PLS3: variants seen among roughly 807,000 people sequenced by gnomAD.
The protein encoded by PLS3 is plastin-3.
A neutral mutation model predicts 46.5 loss-of-function variants in PLS3; 11 were observed. The observed-to-expected ratio is 0.24, with a 90% CI of 0.15 to 0.39. The LOEUF is 0.39. Ranked by LOEUF, PLS3 falls within the 10% of genes least tolerant of loss-of-function variation. The pLI is 1.00. For synonymous variants in PLS3, 167 were observed against 162.2 expected (o/e 1.03, Z -0.22); for missense variants, 308 against 461.8 (o/e 0.67, Z 3.05).
chrX:115,635,511 C>T (rs782706942), intron 7 of PLS3, among the ~76,000 whole-genome samples: 2 of 107,964 alleles, frequency 1.9e-5, no homozygotes, highest in African/African-American at 3.4e-5. Flanking sequence ...ATTAGCCAGG[C>T]GAGGTGGCAC....
rs146656785 is a variant in PLS3, at chrX:115,622,427, C to A, written c.237+18C>A. ...TTGTTTATGTAAGTATGTGAAAATT[C>A]ACAATTATTAGAAGTAGTAGATGTT... On this transcript the variant is annotated intron_variant, in intron 3 of 15. Coordinates refer to ENST00000355899, the MANE Select transcript of PLS3 (RefSeq NM_005032.7). The A allele has an allele frequency of 1.2e-3, 1,342 of 1,075,050 alleles. 10 individuals carry two copies. In the African/African-American group the frequency reaches 0.021, roughly 17 times the overall value. 88.6% of individuals were successfully genotyped at this position (1,075,050 alleles called of 1,213,427 possible). A position where few individuals can be genotyped will look rare whatever the true frequency, so the allele number is the denominator to read the frequency against.
At chrX:115,628,295 A>G (rs782315152) in intron 3 of PLS3, among the ~76,000 whole-genome samples, 63 of 112,493 alleles carry the variant, frequency 5.6e-4, no homozygotes, top group Admixed American at 4.8e-3. Flanking sequence ...AGGTCTTTGA[A>G]TTGCATTTGT....
intron 1 of PLS3, among the ~76,000 whole-genome samples, chrX:115,594,649 C>G (rs1301792883): frequency 1.4e-4 from 13 of 92,170 alleles, no homozygotes; most frequent in Non-Finnish European, 2.0e-4. Flanking sequence ...CCCTCCCTCT[C>G]TCTCTCTCTC....
Position 115,629,932 on chromosome X carries a change from C to T in PLS3, c.465C>T (p.Asp155=). ...HVIPMNPNTD[D]LFKAVGDGIV... is the part of the protein sequence containing the mutation. Reference sequence around the variant, plus strand: ...TACCAATGAACCCTAACACCGATGACCTGTTCAAAGCTGTTGGTGATGGAA... The same window carrying T: ...TACCAATGAACCCTAACACCGATGATCTGTTCAAAGCTGTTGGTGATGGAA... The change falls in exon 5 of 16, where the codon GAC becomes GAT. Residue 155 remains aspartate, a synonymous_variant. Transcript: ENST00000355899. The T allele has an allele frequency of 8.4e-7, 1 of 1,186,829 alleles. No homozygotes were observed. The highest frequency in any genetic ancestry group is 1.1e-6 in the Non-Finnish European group (1 of 877,944).
intron 1 of PLS3, among the ~76,000 whole-genome samples, chrX:115,588,888 G>A (rs1305910241): frequency 2.7e-5 from 3 of 111,633 alleles, no homozygotes; most frequent in Non-Finnish European, 3.8e-5. Context: ...TGTGTAGTTC[G>A]ATGTATTTTG....
intron 2 of PLS3, among the ~76,000 whole-genome samples, chrX:115,615,489 GA>G (rs2147501298): frequency 1.4e-5 from 1 of 71,333 alleles, no homozygotes; most frequent in South Asian, 6.7e-4. Context: ...CGTGTCATCA[GA>G]GAGAGAGAGA....
chrX:115,648,022 G>A lies in PLS3; in HGVS notation c.1760+5G>A. ...TGACAAGCACAATAATGCCAAGTAA[G>A]GGAGACTGCTAATAGTATGAAAAGA... is the stretch of plus-strand genomic sequence containing the variant. On this transcript the variant is annotated splice_donor_5th_base_variant and intron_variant, in intron 15 of 15. Transcript: ENST00000355899. The A allele has an allele frequency of 8.7e-7, 1 of 1,154,609 alleles. No individual in the cohort carries two copies. Among genetic ancestry groups the A allele is most frequent in the South Asian group, 1.8e-5 (1 of 55,283 alleles).
chrX:115,605,303 T>C (rs190289315), intron 1 of PLS3, among the ~76,000 whole-genome samples: 19 of 111,884 alleles, frequency 1.7e-4, no homozygotes, highest in Admixed American at 1.0e-3. Flanking sequence ...GAGTTACATA[T>C]GCAAAGTCAC....
Position 115,636,838 on chromosome X carries a change from T to C in PLS3, c.751T>C (p.Leu251=), listed in dbSNP as rs2074842869. The change falls in exon 8 of 16, where the codon TTG becomes CTG. Residue 251 remains leucine, a splice_region_variant and synonymous_variant. Transcript: ENST00000355899. ...ADIELSRNEA[L]AALLRDGETL... is the part of the protein sequence containing the mutation. ...GGATTTTTTTTTTTTTCTTCTAGCC[T>C]TGGCTGCTTTACTCCGAGATGGTGA... 2 of 1,195,866 alleles carry C rather than the reference T, an allele frequency of 1.7e-6. No individual in the cohort carries two copies. Among genetic ancestry groups the C allele is most frequent in the African/African-American group, 1.8e-5 (1 of 56,772 alleles).
intron 1 of PLS3, among the ~76,000 whole-genome samples, chrX:115,577,027 G>A (rs1194686813): frequency 8.9e-6 from 1 of 112,065 alleles, no homozygotes; most frequent in African/African-American, 3.2e-5. Flanking sequence ...GCCATCACTG[G>A]AGACCCAGAT....
intron 4 of PLS3, 26 bp downstream of exon 4, chrX:115,629,353 A>G: frequency 8.6e-7 from 1 of 1,163,430 alleles, no homozygotes; most frequent in Non-Finnish European, 1.2e-6. Flanking sequence ...GCAATAGGTT[A>G]ACACAATGTG....
At position 115,568,910 on chromosome X, in the gene PLS3, C is replaced by T. The variant is rs142731074; in HGVS notation, c.-9+7650C>T. Reference sequence around the variant, plus strand: ...AACTAGCTGAGCATGGTGGCGCACGCCTGTAATCCCAGCTACTTGGGAGGC... The same window carrying T: ...AACTAGCTGAGCATGGTGGCGCACGTCTGTAATCCCAGCTACTTGGGAGGC... On this transcript the variant is annotated intron_variant, in intron 1 of 15. Transcript: ENST00000355899. Among the ~76,000 whole-genome samples the T allele has an allele frequency of 4.9e-4, 54 of 111,014 alleles. No homozygotes were observed. In the East Asian group the frequency reaches 0.014, roughly 29 times the overall value.
chrX:115,588,368 T>C (rs187207224), intron 1 of PLS3, among the ~76,000 whole-genome samples: 13 of 112,116 alleles, frequency 1.2e-4, no homozygotes, highest in Non-Finnish European at 2.1e-4. Context: ...TGCAAAAGAT[T>C]GAATGCAGAA....
At chrX:115,591,008 G>A (rs1186742352) in intron 1 of PLS3, among the ~76,000 whole-genome samples, 2 of 107,160 alleles carry the variant, frequency 1.9e-5, no homozygotes, top group Non-Finnish European at 3.9e-5. Flanking sequence ...GCGTGGTGGC[G>A]GGTGCTTGTA....
At chrX:115,571,514 G>GA (rs142311088) in intron 1 of PLS3, among the ~76,000 whole-genome samples, 849 of 83,391 alleles carry the variant, frequency 0.01, 7 homozygotes, top group Middle Eastern at 0.019. Flanking sequence ...CAAGACTCTG[G>GA]AAAAAAAAAA....
At chrX:115,632,832 A>G (rs1315976535) in intron 5 of PLS3, among the ~76,000 whole-genome samples, 1 of 110,075 alleles carries the variant, frequency 9.1e-6, no homozygotes, top group Non-Finnish European at 1.9e-5. Context: ...CTTGGGCTCA[A>G]TCAGTCCTCC....
intron 1 of PLS3, among the ~76,000 whole-genome samples, chrX:115,588,673 T>C (rs782556822): frequency 9.0e-6 from 1 of 110,991 alleles, no homozygotes; most frequent in Admixed American, 9.6e-5. Context: ...AACTGCTGAG[T>C]TGGGTTTTTT....
chrX:115,606,731 T>C (rs941583564), intron 1 of PLS3, among the ~76,000 whole-genome samples: 1 of 111,724 alleles, frequency 9.0e-6, no homozygotes, highest in Non-Finnish European at 1.9e-5. Context: ...AAAATTGGAA[T>C]AAATCCTATG....
In PLS3 at chrX:115,646,482, G is replaced by A; in HGVS notation, c.1458G>A (p.Leu486=). 1 of 1,211,234 alleles carries A rather than the reference G, an allele frequency of 8.3e-7. No individual in the cohort carries two copies. ...FSLVGIGGQD[L]NDGNQTLTLA... The stretch of plus-strand genomic sequence containing the variant: ...TGGTTGGCATTGGAGGGCAAGACCT[G>A]AATGATGGGAACCAAACCCTGACTT... The change falls in exon 13 of 16, where the codon CTG becomes CTA. Residue 486 remains leucine (L), a synonymous_variant. Coordinates refer to ENST00000355899, the MANE Select transcript of PLS3 (RefSeq NM_005032.7).
Sources: allele counts gnomAD v4.1 joint callset (sites outside exome capture counted in the v4.1 genomes callset), GRCh38; gene constraint gnomAD v4.1.1; transcripts MANE v1.5; gene names NCBI Gene and HGNC (gene_info 2026-07-23, HGNC 2026-07-21).